MRPL19: variants seen among roughly 807,000 people sequenced by gnomAD.
MRPL19 encodes mitochondrial ribosomal protein L19, also known as large ribosomal subunit protein bL19m.
A neutral mutation model predicts 34.0 loss-of-function variants in MRPL19; 31 were observed. That is an observed-to-expected ratio of 0.91 (90% CI 0.68 to 1.23). The LOEUF (loss-of-function observed/expected upper bound fraction) is 1.23. Ranked by LOEUF, MRPL19 falls within the 50% of genes most tolerant of loss-of-function variation. The pLI, the probability that MRPL19 is intolerant of heterozygous loss-of-function variation, is 0.00. For synonymous variants in MRPL19, 152 were observed against 127.7 expected (o/e 1.19, Z -1.28); for missense variants, 384 against 367.6 (o/e 1.04, Z -0.37).
rs1678559117 is a variant in MRPL19, at chr2:75,659,780, GTCT to G, written c.*4497_*4499del. ...TCCTCATTCTTGATGAGTCAGTTCT[GTCT>G]TATTGCTTTTCGGATTTGCTCAGCT... On this transcript the variant is annotated 3_prime_UTR_variant, in exon 6 of 6. Transcript: ENST00000393909. Among the ~76,000 whole-genome samples the G allele has an allele frequency of 6.6e-6, 1 of 152,072 alleles. No homozygotes were observed. The highest frequency in any genetic ancestry group is 2.4e-5 in the African/African-American group (1 of 41,420).
At position 75,647,546 on chromosome 2, in the gene MRPL19, C is replaced by T. The variant is rs141692459; in HGVS notation, c.221+327C>T. 1.5e-3 allele frequency: 341 copies of T among 230,418 alleles called. 2 individuals are homozygous for T. The highest frequency in any genetic ancestry group is 7.2e-3 in the African/African-American group (320 of 44,440). The allele number at this position is 230,418 out of a possible 1,614,324, so 14.3% of individuals were successfully genotyped here. ...TACCTGTTTACGTCCAAGAGCTCTTCTTTTCTCTCAAAAGACCCTTAACCC... is the reference window on the plus strand; with the variant it reads ...TACCTGTTTACGTCCAAGAGCTCTTTTTTTCTCTCAAAAGACCCTTAACCC... On this transcript the variant is annotated intron_variant, in intron 2 of 5. Coordinates refer to ENST00000393909, the MANE Select transcript of MRPL19 (RefSeq NM_014763.4).
intron 2 of MRPL19, among the ~76,000 whole-genome samples, chr2:75,648,926 A>T (rs545036244): frequency 6.6e-6 from 1 of 152,236 alleles, no homozygotes; most frequent in Non-Finnish European, 1.5e-5. Context: ...ACATACATGC[A>T]TATGAAAAGT....
intron 2 of MRPL19, chr2:75,647,823 A>T (rs1323417443): frequency 6.6e-6 from 1 of 152,188 alleles, no homozygotes; most frequent in Non-Finnish European, 1.5e-5. Flanking sequence ...ACCTGATATG[A>T]TTATAGGCTT....
At chr2:75,652,861 T>G (rs1678361297) in intron 4 of MRPL19, among the ~76,000 whole-genome samples, 1 of 152,190 alleles carries the variant, frequency 6.6e-6, no homozygotes, top group Non-Finnish European at 1.5e-5. Context: ...CTTGAAGGCT[T>G]CTTATGTTAT....
At chr2:75,651,888 C>A in intron 2 of MRPL19, 1 of 266,626 alleles carries the variant, frequency 3.8e-6, no homozygotes, top group Non-Finnish European at 7.1e-6. Context: ...TGACACCAAA[C>A]CCACATGGTT....
chr2:75,662,182 A>C lies in MRPL19; in HGVS notation c.*6897A>C, dbSNP rs1350693484. ...TGTTAAAACAACCTTACTTTCCAGG[A>C]ATAAACCCTATTATCTTTTTTATAC... On this transcript the variant is annotated 3_prime_UTR_variant, in exon 6 of 6. Transcript: ENST00000393909. 2.0e-5 allele frequency: 3 copies of C among 152,184 alleles called. No individual in the cohort carries two copies. The highest frequency in any genetic ancestry group is 7.2e-5 in the African/African-American group (3 of 41,444). The allele number at this position is 152,184 out of a possible 1,614,324, so 9.4% of individuals were successfully genotyped here.
At chr2:75,653,158 A>C (rs2104132405) in intron 4 of MRPL19, among the ~76,000 whole-genome samples, 1 of 152,360 alleles carries the variant, frequency 6.6e-6, no homozygotes, top group South Asian at 2.1e-4. Context: ...ATAGAGGAAC[A>C]AGGAGTAAAA....
rs1678423830 is a variant in MRPL19, at chr2:75,655,329, T to C, written c.*44T>C. Reference sequence around the variant, plus strand: ...TTAGTTGCAGAAGATACATTGGCTCTAAGAGGATATATTTTGAGACCAATT... The same window carrying C: ...TTAGTTGCAGAAGATACATTGGCTCCAAGAGGATATATTTTGAGACCAATT... On this transcript the variant is annotated 3_prime_UTR_variant, in exon 6 of 6. Coordinates refer to ENST00000393909, the MANE Select transcript of MRPL19 (RefSeq NM_014763.4). 3 of 1,397,404 alleles carry C rather than the reference T, an allele frequency of 2.1e-6. No homozygotes were observed. Among genetic ancestry groups the C allele is most frequent in the Admixed American group, 1.8e-5 (1 of 54,392 alleles). 86.6% of individuals were successfully genotyped at this position (1,397,404 alleles called of 1,614,324 possible).
intron 2 of MRPL19, chr2:75,647,795 C>T (rs900022941): frequency 6.6e-6 from 1 of 152,128 alleles, no homozygotes; most frequent in African/African-American, 2.4e-5. Context: ...TTTTAAAAAG[C>T]CAGTTTTCAG....
At position 75,661,049 on chromosome 2, in the gene MRPL19, C is replaced by T. The variant is rs1353212841; in HGVS notation, c.*5764C>T. ...TGCTCTGTCAATCCTTTAAGTAGCCCCAGACAGGCTACCAGAGACTTAAAC... is the reference window on the plus strand; with the variant it reads ...TGCTCTGTCAATCCTTTAAGTAGCCTCAGACAGGCTACCAGAGACTTAAAC... On this transcript the variant is annotated 3_prime_UTR_variant, in exon 6 of 6. Coordinates refer to ENST00000393909, the MANE Select transcript of MRPL19 (RefSeq NM_014763.4). The T allele has an allele frequency of 2.6e-5, 4 of 152,046 alleles. No homozygotes were observed. The highest frequency in any genetic ancestry group is 7.2e-5 in the African/African-American group (3 of 41,398). The allele number at this position is 152,046 out of a possible 1,614,324, so 9.4% of individuals were successfully genotyped here.
chr2:75,654,498 A>G (rs1293070242), intron 4 of MRPL19, among the ~76,000 whole-genome samples: 1 of 152,092 alleles, frequency 6.6e-6, no homozygotes, highest in East Asian at 1.9e-4. Context: ...TCTAGAAGCC[A>G]TTTTTTTCTT....
intron 4 of MRPL19, 104 bp downstream of exon 4, chr2:75,652,761 G>C: frequency 7.9e-7 from 1 of 1,259,960 alleles, no homozygotes; most frequent in Non-Finnish European, 1.1e-6. Context: ...AAAGTAAAAG[G>C]AGACTCTGAG....
Position 75,654,618 on chromosome 2 carries a change from A to C in MRPL19, c.476-118A>C, listed in dbSNP as rs1209904392. ...ATCTTAAAAATTTCAAATTAACGGC[A>C]CATTTTCTACATGCAAAACTTTGTG... On this transcript the variant is annotated intron_variant, in intron 4 of 5. Transcript: ENST00000393909. 8.5e-6 allele frequency: 7 copies of C among 826,216 alleles called. No individual in the cohort carries two copies. In the Admixed American group the frequency reaches 2.2e-4, roughly 26 times the overall value. 51.2% of individuals were successfully genotyped at this position (826,216 alleles called of 1,614,324 possible). A position where few individuals can be genotyped will look rare whatever the true frequency, so the allele number is the denominator to read the frequency against.
Position 75,647,111 on chromosome 2 carries a change from C to A in MRPL19, c.113C>A (p.Ala38Glu). 1 of 1,585,666 alleles carries A rather than the reference C, an allele frequency of 6.3e-7. No individual in the cohort carries two copies. Among genetic ancestry groups the A allele is most frequent in the Non-Finnish European group, 8.6e-7 (1 of 1,165,440 alleles). ...PPASIACRVH[A>E]GPVRQQSTGP... ...TCGTCCGCTCCCGCAGGGGTCCACG[C>A]GGGGCCTGTCCGGCAGCAGAGCACT... Residue 38 changes from alanine to glutamate, a missense_variant, in exon 2 of 6, where the codon GCG (alanine) becomes GAG (glutamate). Transcript: ENST00000393909.
In MRPL19 at chr2:75,646,821, T is replaced by C; in HGVS notation, c.14T>C (p.Ile5Thr). 6.4e-7 allele frequency: 1 copy of C among 1,554,106 alleles called. No homozygotes were observed. Among genetic ancestry groups the C allele is most frequent in the Non-Finnish European group, 8.7e-7 (1 of 1,149,700 alleles). The change falls in exon 1 of 6, where the codon ATT becomes ACT. Residue 5 changes from isoleucine to threonine, a missense_variant. Coordinates refer to ENST00000393909, the MANE Select transcript of MRPL19 (RefSeq NM_014763.4). ...GAGCTAGCTGGCATGGCGGCCTGCATTGCAGCGGGGCACTGGGCTGCAATG... is the reference window on the plus strand; with the variant it reads ...GAGCTAGCTGGCATGGCGGCCTGCACTGCAGCGGGGCACTGGGCTGCAATG... MAAC[I>T]AAGHWAAMGL...
At chr2:75,649,232 G>A (rs1678281715) in intron 2 of MRPL19, among the ~76,000 whole-genome samples, 1 of 152,196 alleles carries the variant, frequency 6.6e-6, no homozygotes, top group Non-Finnish European at 1.5e-5. Context: ...TATGTGTGAA[G>A]CTTGATTGTA....
Position 75,661,647 on chromosome 2 carries a change from T to C in MRPL19, c.*6362T>C, listed in dbSNP as rs1252492910. 2.6e-5 allele frequency: 4 copies of C among 152,180 alleles called. No individual in the cohort carries two copies. The highest frequency in any genetic ancestry group is 6.5e-5 in the Admixed American group (1 of 15,282). 9.4% of individuals were successfully genotyped at this position (152,180 alleles called of 1,614,324 possible). On this transcript the variant is annotated 3_prime_UTR_variant, in exon 6 of 6. Coordinates refer to ENST00000393909, the MANE Select transcript of MRPL19 (RefSeq NM_014763.4). ...GATATATCTTTCACTTTTTCAGGGA[T>C]AGGCTCCTCATTAGAAGGCTCCTAT... is the stretch of plus-strand genomic sequence containing the variant.
In MRPL19 at chr2:75,657,925, A is replaced by T. The variant is rs1190954466; in HGVS notation, c.*2640A>T. 1 of 152,158 alleles carries T rather than the reference A, an allele frequency of 6.6e-6. No homozygotes were observed. Among genetic ancestry groups the T allele is most frequent in the Non-Finnish European group, 1.5e-5 (1 of 68,018 alleles). 9.4% of individuals were successfully genotyped at this position (152,158 alleles called of 1,614,324 possible). A position where few individuals can be genotyped will look rare whatever the true frequency, so the allele number is the denominator to read the frequency against. On this transcript the variant is annotated 3_prime_UTR_variant, in exon 6 of 6. Transcript: ENST00000393909. ...ATAATTTGCCATTGTAAACATTTTA[A>T]ATTTACAAGTCAGAGGCATTAATTA...
Position 75,652,562 on chromosome 2 carries a change from G to A in MRPL19, c.380G>A (p.Ser127Asn). The change falls in exon 4 of 6, where the codon AGT (serine) becomes AAT (asparagine). Residue 127 changes from serine (S) to asparagine (N), a missense_variant. By Grantham distance (46) the Ser-to-Asn change is conservative (BLOSUM62 1). Transcript: ENST00000393909. ...GTTACTACAGCTGACCCATATGCCAGTGGAAAAATCAGCCAGTTTCTGGGG... is the reference window on the plus strand; with the variant it reads ...GTTACTACAGCTGACCCATATGCCAATGGAAAAATCAGCCAGTTTCTGGGG... The part of the protein sequence containing the change: ...LRVTTADPYA[S>N]GKISQFLGIC... The A allele has an allele frequency of 1.9e-6, 3 of 1,613,936 alleles. No homozygotes were observed. Among genetic ancestry groups the A allele is most frequent in the Non-Finnish European group, 2.5e-6 (3 of 1,179,884 alleles).
Sources: allele counts gnomAD v4.1 joint callset (sites outside exome capture counted in the v4.1 genomes callset), GRCh38; gene constraint gnomAD v4.1.1; transcripts MANE v1.5; gene names NCBI Gene and HGNC (gene_info 2026-07-23, HGNC 2026-07-21).